Variants in PAK3 observed in about 807,000 individuals in gnomAD.
The protein encoded by PAK3 is serine/threonine-protein kinase PAK 3.
A neutral mutation model predicts 41.0 loss-of-function variants in PAK3; 4 were observed. The ratio of observed to expected loss-of-function variants is 0.10; its 90% CI spans 0.05 to 0.22. PAK3 has a LOEUF of 0.22. Ranked by LOEUF, PAK3 falls within the 10% of genes least tolerant of loss-of-function variation. The probability of loss-of-function intolerance (pLI) is 1.00; values close to 1 mark genes in which losing one functional copy is unlikely to be tolerated. For synonymous variants in PAK3, 146 were observed against 139.6 expected, an observed-to-expected ratio of 1.05 and a Z score of -0.32; for missense variants, 205 against 409.9, an observed-to-expected ratio of 0.50 and a Z score of 4.32.
chrX:110,952,454 G>T (rs2090763573), intron 1 of PAK3, among the ~76,000 whole-genome samples: 1 of 111,256 alleles, frequency 9.0e-6, no homozygotes, highest in African/African-American at 3.3e-5. Flanking sequence ...AAAGGATCCT[G>T]GCATACCTCC....
In PAK3 at chrX:111,147,811, A is replaced by G. The variant is rs770208553; in HGVS notation, c.351A>G (p.Gln117=). 1 of 1,192,614 alleles carries G rather than the reference A, an allele frequency of 8.4e-7. No individual in the cohort carries two copies. The highest frequency in any genetic ancestry group is 1.1e-6 in the Non-Finnish European group (1 of 877,868). The change falls in exon 7 of 18, where the codon CAA becomes CAG. Residue 117 remains glutamine (Q), a synonymous_variant. Transcript: ENST00000372007. ...ITKLEQKKNP[Q]AVLDVLKFYD... The stretch of plus-strand genomic sequence containing the variant: ...AATTGGAACAGAAGAAGAACCCACA[A>G]GCTGTTCTAGATGTTCTCAAATTCT...
At chrX:111,130,263 A>G (rs1031106588) in intron 5 of PAK3, among the ~76,000 whole-genome samples, 4 of 111,732 alleles carry the variant, frequency 3.6e-5, no homozygotes, top group Non-Finnish European at 1.9e-5. Flanking sequence ...CTATCATTTT[A>G]CTTCCCCCAT....
intron 8 of PAK3, 86 bp downstream of exon 8, chrX:111,152,533 T>C (rs1295756527): frequency 4.6e-6 from 3 of 652,987 alleles, no homozygotes; most frequent in East Asian, 3.4e-5. Context: ...AGTTTTTAGA[T>C]ATAAAGTCTT....
chrX:110,990,560 G>A (rs749481942), intron 1 of PAK3, among the ~76,000 whole-genome samples: 18 of 110,567 alleles, frequency 1.6e-4, no homozygotes, highest in African/African-American at 5.9e-4. Context: ...GTAGAAAGGG[G>A]TGACCATGGA....
chrX:111,066,074 A>C (rs755653097), intron 1 of PAK3, among the ~76,000 whole-genome samples: 2 of 110,586 alleles, frequency 1.8e-5, no homozygotes, highest in South Asian at 3.8e-4. Context: ...GATTTTATTT[A>C]TTTCTTTTCT....
chrX:110,967,431 G>A (rs2091104605), intron 1 of PAK3, among the ~76,000 whole-genome samples: 1 of 111,300 alleles, frequency 9.0e-6, no homozygotes, highest in South Asian at 3.9e-4. Flanking sequence ...GGCATAACTA[G>A]GGGCCACAAA....
chrX:111,222,921 C>T lies in PAK3; in HGVS notation c.*2474C>T, dbSNP rs2094935408. ...GTACCAAGATTTGATAATAATATAT[C>T]CCAGGAGGCATTACTTTTATAAATT... On this transcript the variant is annotated 3_prime_UTR_variant, in exon 18 of 18. Transcript: ENST00000372007. 1.8e-5 allele frequency: 2 copies of T among 111,170 alleles called. No homozygotes were observed. Among genetic ancestry groups the T allele is most frequent in the Admixed American group, 9.6e-5 (1 of 10,407 alleles). The allele number at this position is 111,170 out of a possible 1,213,427, so 9.2% of individuals were successfully genotyped here.
At chrX:111,086,789 C>T (rs2092888219) in intron 1 of PAK3, among the ~76,000 whole-genome samples, 3 of 111,442 alleles carry the variant, frequency 2.7e-5, no homozygotes, top group Admixed American at 1.9e-4. Context: ...TTGTAAGAAG[C>T]TTGAATTTGA....
At position 111,042,240 on chromosome X, in the gene PAK3, T is replaced by A. The variant is rs187840512; in HGVS notation, c.-27-80837T>A. The stretch of plus-strand genomic sequence containing the variant: ...ACTTCCACTCATGGGCTGCATATGG[T>A]GTCCCTGGACATTCATTTAGCCTTA... On this transcript the variant is annotated intron_variant, in intron 1 of 14. Coordinates refer to the PAK3 transcript ENST00000425146. 3.7e-3 allele frequency among the ~76,000 whole-genome samples: 408 copies of A among 111,747 alleles called. 2 individuals carry two copies. Among genetic ancestry groups the A allele is most frequent in the Admixed American group, 6.8e-3 (72 of 10,605 alleles).
chrX:110,944,919 T>A (rs1219915829), intron 1 of PAK3, among the ~76,000 whole-genome samples: 1 of 112,010 alleles, frequency 8.9e-6, no homozygotes, highest in Non-Finnish European at 1.9e-5. Context: ...TTCCCCAGGC[T>A]GAGCTTTCTC....
intron 1 of PAK3, among the ~76,000 whole-genome samples, chrX:111,062,471 G>A (rs929564770): frequency 3.6e-5 from 4 of 112,297 alleles, no homozygotes; most frequent in Non-Finnish European, 7.5e-5. Context: ...ATGGGCCCCT[G>A]GGCTGAAGAG....
intron 1 of PAK3, among the ~76,000 whole-genome samples, chrX:110,966,910 C>T (rs1304717789): frequency 8.9e-6 from 1 of 112,048 alleles, no homozygotes; most frequent in African/African-American, 3.2e-5. Context: ...GTCGGTACTG[C>T]CTGCATGAGG....
chrX:111,188,052 G>A (rs1291467062), intron 11 of PAK3, among the ~76,000 whole-genome samples: 2 of 108,677 alleles, frequency 1.8e-5, no homozygotes, highest in Non-Finnish European at 3.8e-5. Context: ...AGCAGCTGGT[G>A]CTCTAGAGTT....
intron 1 of PAK3, among the ~76,000 whole-genome samples, chrX:111,071,773 T>C (rs1300764826): frequency 8.9e-6 from 1 of 112,186 alleles, no homozygotes; most frequent in Non-Finnish European, 1.9e-5. Context: ...AGTCCACATG[T>C]TCCAGCCAGA....
intron 1 of PAK3, among the ~76,000 whole-genome samples, chrX:111,070,576 G>A (rs1361681624): frequency 8.9e-6 from 1 of 111,960 alleles, no homozygotes; most frequent in African/African-American, 3.2e-5. Context: ...AGGCCTTTGT[G>A]TACTTGTAGT....
At chrX:111,164,478 A>C (rs765341236) in intron 10 of PAK3, among the ~76,000 whole-genome samples, 1 of 111,211 alleles carries the variant, frequency 9.0e-6, no homozygotes, top group Admixed American at 9.6e-5. Context: ...TTGCCTCCTC[A>C]GAAGATGTTG....
intron 8 of PAK3, among the ~76,000 whole-genome samples, chrX:111,159,647 A>G (rs1383805308): frequency 9.0e-6 from 1 of 111,697 alleles, no homozygotes; most frequent in South Asian, 3.8e-4. Context: ...CTGAAGAATT[A>G]GTGTTTTGCA....
intron 5 of PAK3, among the ~76,000 whole-genome samples, chrX:111,138,821 G>A (rs1482737323): frequency 9.0e-6 from 1 of 110,879 alleles, no homozygotes; most frequent in African/African-American, 3.3e-5. Flanking sequence ...TGGGTAATAG[G>A]GGACAGCATT....
intron 1 of PAK3, among the ~76,000 whole-genome samples, chrX:111,020,211 A>C (rs1308928945): frequency 8.9e-6 from 1 of 111,893 alleles, no homozygotes; most frequent in East Asian, 2.8e-4. Context: ...TATGTTACTC[A>C]TCCTTTGAAA....
Sources: allele counts gnomAD v4.1 joint callset (sites outside exome capture counted in the v4.1 genomes callset), GRCh38; gene constraint gnomAD v4.1.1; transcripts MANE v1.5; gene names NCBI Gene and HGNC (gene_info 2026-07-23, HGNC 2026-07-21).